Variants in CDH19 observed in about 807,000 individuals in gnomAD.
CDH19 encodes cadherin 19, also known as cadherin-19.
Under a neutral mutation model 64.2 loss-of-function variants are expected in CDH19, and 67 were observed. The observed-to-expected ratio is 1.04, with a 90% CI of 0.86 to 1.28. CDH19 has a LOEUF of 1.28. CDH19 is among the 50% of genes most tolerant of loss of function. CDH19 has a pLI of 0.00. For synonymous variants in CDH19, 346 were observed against 319.3 expected (o/e 1.08, Z -0.89); for missense variants, 1,030 against 929.0 (o/e 1.11, Z -1.41).
chr18:66,584,617 A>C (rs534206347), intron 1 of CDH19, among the ~76,000 whole-genome samples: 153 of 152,240 alleles, frequency 1.0e-3, no homozygotes, highest in Non-Finnish European at 1.9e-3. Flanking sequence ...TCATTGCAGC[A>C]CTATTCACAA....
At position 66,511,687 on chromosome 18, in the gene CDH19, T is replaced by C; in HGVS notation, c.1459-2A>G. 1.5e-6 allele frequency: 2 copies of C among 1,365,842 alleles called. No individual in the cohort carries two copies. Among genetic ancestry groups the C allele is most frequent in the Non-Finnish European group, 2.1e-6 (2 of 971,798 alleles). The allele number at this position is 1,365,842 out of a possible 1,614,324, so 84.6% of individuals were successfully genotyped here. A position where few individuals can be genotyped will look rare whatever the true frequency, so the allele number is the denominator to read the frequency against. ...CACTGCACTGATAGTCTGAATTACCTAAAAAAAAAGGGGGATAGATTTTTG... is the reference window on the plus strand; with the variant it reads ...CACTGCACTGATAGTCTGAATTACCCAAAAAAAAAGGGGGATAGATTTTTG... On this transcript the variant is annotated splice_acceptor_variant, in intron 9 of 11. Transcript: ENST00000262150. LOFTEE classifies it high-confidence loss of function.
rs2144491610 is a variant in CDH19 at position 66,545,017 on chromosome 18, C to T, written c.776-114G>A. The T allele has an allele frequency of 7.8e-6, 6 of 769,576 alleles. 1 individual carries two copies. In the South Asian group the frequency reaches 9.2e-5, roughly 12 times the overall value. The allele number at this position is 769,576 out of a possible 1,614,324, so 47.7% of individuals were successfully genotyped here. A position where few individuals can be genotyped will look rare whatever the true frequency, so the allele number is the denominator to read the frequency against. ...TTTTCGAGACGGAGTCTCATTCTGT[C>T]GCCCAGGCTGGAGTGCAGTGGTGTG... On this transcript the variant is annotated intron_variant, in intron 5 of 11. Transcript: ENST00000262150.
intron 1 of CDH19, among the ~76,000 whole-genome samples, chr18:66,593,595 T>C (rs544472169): frequency 1.4e-4 from 22 of 152,136 alleles, no homozygotes; most frequent in African/African-American, 4.8e-4. Context: ...AAAAATAAAC[T>C]AGTGTTAACA....
intron 7 of CDH19, among the ~76,000 whole-genome samples, chr18:66,542,632 TC>T (rs1986933779): frequency 6.6e-6 from 1 of 152,204 alleles, no homozygotes; most frequent in Non-Finnish European, 1.5e-5. Flanking sequence ...TTAAGTGGTA[TC>T]CTGTAAAACA....
At chr18:66,569,675 G>T (rs1240970136) in intron 2 of CDH19, among the ~76,000 whole-genome samples, 4 of 151,558 alleles carry the variant, frequency 2.6e-5, no homozygotes, top group African/African-American at 9.7e-5. Flanking sequence ...TTCTGATATA[G>T]TTAAAATGAT....
intron 9 of CDH19, among the ~76,000 whole-genome samples, chr18:66,525,410 T>G (rs1986183264): frequency 6.6e-6 from 1 of 152,114 alleles, no homozygotes; most frequent in African/African-American, 2.4e-5. Context: ...ATTTCACTTC[T>G]AGGAAGGAGG....
chr18:66,507,991 A>C (rs73535793), intron 11 of CDH19, among the ~76,000 whole-genome samples: 3,191 of 152,036 alleles, frequency 0.021, 121 homozygotes, highest in African/African-American at 0.073. Context: ...AATTGATGGA[A>C]GCTAAGTTTC....
intron 10 of CDH19, among the ~76,000 whole-genome samples, chr18:66,511,035 A>G (rs564677360): frequency 1.3e-5 from 2 of 151,876 alleles, no homozygotes; most frequent in African/African-American, 4.8e-5. Context: ...AGAAAGGAAA[A>G]ATAAATTCTG....
chr18:66,579,290 C>T (rs1184659635), intron 1 of CDH19, among the ~76,000 whole-genome samples: 1 of 151,572 alleles, frequency 6.6e-6, no homozygotes, highest in Admixed American at 6.6e-5. Context: ...AGTATTTTAC[C>T]AAAAAAAGTT....
At chr18:66,548,604 C>A (rs1050514689) in intron 5 of CDH19, among the ~76,000 whole-genome samples, 5 of 151,960 alleles carry the variant, frequency 3.3e-5, no homozygotes, top group Non-Finnish European at 7.4e-5. Context: ...AAAATTCTTC[C>A]AAGAAATCAA....
intron 8 of CDH19, among the ~76,000 whole-genome samples, chr18:66,533,264 C>A (rs926843270): frequency 1.3e-5 from 2 of 151,038 alleles, no homozygotes; most frequent in Non-Finnish European, 3.0e-5. Flanking sequence ...AGAAATACAG[C>A]AACTATTAGT....
intron 7 of CDH19, among the ~76,000 whole-genome samples, chr18:66,538,890 C>T (rs1490867958): frequency 6.6e-6 from 1 of 151,994 alleles, no homozygotes. Context: ...TATAAGGACA[C>T]CAGCCATTTT....
chr18:66,506,779 C>A (rs1985222205), intron 11 of CDH19, among the ~76,000 whole-genome samples: 1 of 151,762 alleles, frequency 6.6e-6, no homozygotes, highest in African/African-American at 2.4e-5. Context: ...ATTTGAAACA[C>A]ACATGAAGTA....
At chr18:66,523,863 GCTCAAC>G (rs1986099763) in intron 9 of CDH19, among the ~76,000 whole-genome samples, 1 of 127,878 alleles carries the variant, frequency 7.8e-6, no homozygotes, top group Non-Finnish European at 1.6e-5. Context: ...TACTGACAAG[GCTCAAC>G]CTTGCACTCA....
At chr18:66,505,425 T>G in intron 11 of CDH19, 123 bp from the exon 12 acceptor site, 1 of 750,862 alleles carries the variant, frequency 1.3e-6, no homozygotes, top group Non-Finnish European at 1.8e-6. Flanking sequence ...AACAAAAAGA[T>G]ACATTTGTTA....
At chr18:66,597,703 C>T (rs375192798) in intron 1 of CDH19, among the ~76,000 whole-genome samples, 25 of 152,030 alleles carry the variant, frequency 1.6e-4, no homozygotes, top group Admixed American at 2.6e-4. Flanking sequence ...ACTATTCATC[C>T]GACAAATCCA....
chr18:66,526,870 A>T (rs1986241589), intron 9 of CDH19, among the ~76,000 whole-genome samples: 1 of 151,972 alleles, frequency 6.6e-6, no homozygotes, highest in African/African-American at 2.4e-5. Context: ...GTATTACATC[A>T]ACTTTGAAAA....
intron 1 of CDH19, among the ~76,000 whole-genome samples, chr18:66,601,454 A>G (rs531808385): frequency 6.6e-6 from 1 of 152,086 alleles, no homozygotes; most frequent in South Asian, 2.1e-4. Flanking sequence ...GAAACTTCTT[A>G]GAATTAAAAA....
intron 1 of CDH19, among the ~76,000 whole-genome samples, chr18:66,578,788 T>A (rs1316361380): frequency 1.3e-5 from 2 of 151,970 alleles, no homozygotes; most frequent in Non-Finnish European, 2.9e-5. Context: ...GAAAGTGTAA[T>A]ATGTCTATGC....
Sources: allele counts gnomAD v4.1 joint callset (sites outside exome capture counted in the v4.1 genomes callset), GRCh38; gene constraint gnomAD v4.1.1; transcripts MANE v1.5; gene names NCBI Gene and HGNC (gene_info 2026-07-23, HGNC 2026-07-21).